RFX4: variants seen among roughly 807,000 people sequenced by gnomAD.
RFX4 encodes the protein regulatory factor X4, also known as transcription factor RFX4.
A neutral mutation model predicts 95.0 loss-of-function variants in RFX4; 10 were observed. The observed-to-expected ratio is 0.11, with a 90% CI of 0.06 to 0.18. RFX4 has a LOEUF of 0.18. Ranked by LOEUF, RFX4 falls within the 10% of genes least tolerant of loss-of-function variation. The pLI, the probability that RFX4 is intolerant of heterozygous loss-of-function variation, is 1.00. For missense variants in RFX4, 640 were observed against 922.0 expected (o/e 0.69, Z 3.96); for synonymous variants, 321 against 340.7 (o/e 0.94, Z 0.64).
chr12:106,725,672 G>A (rs1299142807), intron 13 of RFX4, among the ~76,000 whole-genome samples: 2 of 151,710 alleles, frequency 1.3e-5, no homozygotes. Flanking sequence ...CATGATTTAT[G>A]GAGGAAAATG....
At chr12:106,636,251 G>A (rs376129824) in intron 2 of RFX4, among the ~76,000 whole-genome samples, 21 of 152,036 alleles carry the variant, frequency 1.4e-4, no homozygotes, top group African/African-American at 3.9e-4. Context: ...TTAGCCAGGC[G>A]TGGTTGTGGG....
intron 14 of RFX4, among the ~76,000 whole-genome samples, chr12:106,732,708 T>C (rs896198744): frequency 6.8e-6 from 1 of 147,910 alleles, no homozygotes; most frequent in Non-Finnish European, 1.5e-5. Context: ...TCAAAATAAG[T>C]AAATAAATAA....
chr12:106,614,524 G>A (rs867987331), intron 2 of RFX4, among the ~76,000 whole-genome samples: 4 of 74,772 alleles, frequency 5.3e-5, no homozygotes, highest in Admixed American at 5.0e-4. Context: ...TGTGTGTTTG[G>A]TTGAGAAGGA....
At chr12:106,672,026 T>G (rs1170243984) in intron 4 of RFX4, among the ~76,000 whole-genome samples, 1 of 152,132 alleles carries the variant, frequency 6.6e-6, no homozygotes, top group Non-Finnish European at 1.5e-5. Flanking sequence ...TAGGGCATGG[T>G]GCTTAGTGAT....
intron 6 of RFX4, among the ~76,000 whole-genome samples, chr12:106,687,594 A>G (rs990745049): frequency 2.6e-5 from 4 of 152,096 alleles, no homozygotes; most frequent in African/African-American, 4.8e-5. Context: ...AGCATGGACT[A>G]TAGTTAATAA....
rs1232321224 is a variant in RFX4, at chr12:106,586,287, A to C, written c.43+2924A>C. On this transcript the variant is annotated intron_variant, in intron 1 of 17. Transcript: ENST00000392842. The surrounding 1 kb of genome is among the most constrained non-coding windows in gnomAD (Gnocchi z 5.6). Reference sequence around the variant, plus strand: ...GCGCTACAGCCCCACGCCGCGCAAAAGTGGGTGCTGAGCCCCGCGTGGCCT... The same window carrying C: ...GCGCTACAGCCCCACGCCGCGCAAACGTGGGTGCTGAGCCCCGCGTGGCCT... Among the ~76,000 whole-genome samples, 1 of 151,932 alleles carries C rather than the reference A, an allele frequency of 6.6e-6. No homozygotes were observed. Among genetic ancestry groups the C allele is most frequent in the East Asian group, 1.9e-4 (1 of 5,134 alleles).
intron 2 of RFX4, among the ~76,000 whole-genome samples, chr12:106,633,091 G>C (rs1415828288): frequency 6.6e-6 from 1 of 152,182 alleles, no homozygotes; most frequent in Non-Finnish European, 1.5e-5. Context: ...AAATAGGAGG[G>C]TCAGGCCTGG....
At chr12:106,744,296 T>C (rs1019300052) in intron 15 of RFX4, among the ~76,000 whole-genome samples, 3 of 152,200 alleles carry the variant, frequency 2.0e-5, no homozygotes, top group African/African-American at 7.2e-5. Flanking sequence ...CAGGAAGGGG[T>C]ACTTTCAGCT....
chr12:106,643,457 C>A (rs2040677496), intron 3 of RFX4, among the ~76,000 whole-genome samples: 1 of 152,186 alleles, frequency 6.6e-6, no homozygotes, highest in Non-Finnish European at 1.5e-5. Flanking sequence ...TAGGAACAGT[C>A]ATGCTTAAAA....
intron 5 of RFX4, chr12:106,684,602 G>C: frequency 1.0e-6 from 1 of 983,444 alleles, no homozygotes; most frequent in Non-Finnish European, 1.4e-6. Context: ...TGGCTCTTAA[G>C]AAGTTATAAA....
At chr12:106,697,346 C>T (rs1270609194) in intron 8 of RFX4, among the ~76,000 whole-genome samples, 1 of 152,104 alleles carries the variant, frequency 6.6e-6, no homozygotes, top group Non-Finnish European at 1.5e-5. Flanking sequence ...TTTTTTACAA[C>T]TGTATAGGGT....
intron 2 of RFX4, among the ~76,000 whole-genome samples, chr12:106,616,503 T>C (rs1296952772): frequency 6.6e-6 from 1 of 152,206 alleles, no homozygotes; most frequent in Non-Finnish European, 1.5e-5. Flanking sequence ...GGAAGTTTCC[T>C]ATGTCTCTAT....
At position 106,650,111 on chromosome 12, in the gene RFX4, T is replaced by G. The variant is rs117402581; in HGVS notation, c.192-4117T>G. On this transcript the variant is annotated intron_variant, in intron 3 of 17. Transcript: ENST00000392842. The stretch of plus-strand genomic sequence containing the variant: ...GGTACAGAGCAAACTTTCCAAAGAA[T>G]GCATTGATCATGCCACTCCCATGCT... Among the ~76,000 whole-genome samples, 281 of 152,368 alleles carry G rather than the reference T, an allele frequency of 1.8e-3. 3 individuals are homozygous for G. The East Asian group carries it at 0.029, about 16-fold the overall frequency.
chr12:106,711,261 G>A (rs1035107558), intron 9 of RFX4, among the ~76,000 whole-genome samples, 192 bp from the exon 10 acceptor site: 4 of 152,200 alleles, frequency 2.6e-5, no homozygotes, highest in African/African-American at 7.2e-5. Context: ...TTAGGAAGTA[G>A]TTGTTGAAGC....
At chr12:106,693,154 T>G (rs1456698357) in intron 7 of RFX4, 1 of 424,318 alleles carries the variant, frequency 2.4e-6, no homozygotes, top group East Asian at 8.0e-5. Flanking sequence ...CAAGCCTTAG[T>G]GCTTGAGCTA....
intron 2 of RFX4, among the ~76,000 whole-genome samples, chr12:106,633,229 G>T (rs1212486533): frequency 6.6e-6 from 1 of 152,142 alleles, no homozygotes; most frequent in Non-Finnish European, 1.5e-5. Context: ...TGAGCTGGAG[G>T]GCCCACATTG....
At chr12:106,734,893 C>T (rs182120509) in intron 15 of RFX4, among the ~76,000 whole-genome samples, 13 of 149,392 alleles carry the variant, frequency 8.7e-5, no homozygotes, top group African/African-American at 3.0e-4. Flanking sequence ...AGACCCCCAT[C>T]TCTACACAAG....
intron 8 of RFX4, among the ~76,000 whole-genome samples, chr12:106,703,671 G>A (rs1335289239): frequency 6.6e-6 from 1 of 152,162 alleles, no homozygotes; most frequent in East Asian, 1.9e-4. Flanking sequence ...GGCATTTGCT[G>A]TTTATTACAA....
chr12:106,670,605 T>C (rs1329260733), intron 4 of RFX4, among the ~76,000 whole-genome samples: 2 of 152,220 alleles, frequency 1.3e-5, no homozygotes, highest in Admixed American at 6.5e-5. Context: ...AATTTTGCAA[T>C]TTCTCTTAGG....
Sources: gnomAD v4.1 joint callset for allele counts (sites outside exome capture counted in the v4.1 genomes callset) on GRCh38, gnomAD v4.1.1 for gene constraint, Gnocchi (gnomAD v3.1) non-coding constraint, MANE v1.5 for transcripts, NCBI Gene and HGNC (gene_info 2026-07-23, HGNC 2026-07-21) for gene names.